RHBDD1: variants seen among roughly 807,000 people sequenced by gnomAD.
The protein encoded by RHBDD1 is rhomboid-related protein 4.
RHBDD1 carries 38 observed loss-of-function variants against 36.3 expected under a neutral mutation model. That is an observed-to-expected ratio of 1.05 (90% CI 0.81 to 1.37). The LOEUF (loss-of-function observed/expected upper bound fraction) is 1.37. Ranked by LOEUF, RHBDD1 falls within the 40% of genes most tolerant of loss-of-function variation. RHBDD1 has a pLI of 0.00. For missense variants in RHBDD1, 393 were observed against 377.6 expected (o/e 1.04, Z -0.34); for synonymous variants, 151 against 136.5 (o/e 1.11, Z -0.74).
chr2:226,980,480 G>A (rs1955482905), intron 8 of RHBDD1, among the ~76,000 whole-genome samples: 1 of 152,100 alleles, frequency 6.6e-6, no homozygotes, highest in African/African-American at 2.4e-5. Flanking sequence ...TACCTTCTCT[G>A]AACTTCCATT....
At chr2:226,995,275 A>G (rs899431705) in intron 8 of RHBDD1, among the ~76,000 whole-genome samples, 156 bp from the exon 9 acceptor site, 3 of 152,218 alleles carry the variant, frequency 2.0e-5, no homozygotes, top group African/African-American at 7.2e-5. Context: ...GAAATTTAGT[A>G]CTGACAGCTG....
chr2:226,810,354 A>G, the RHBDD1 span, among the ~76,000 whole-genome samples: 3 of 152,034 alleles, frequency 2.0e-5, no homozygotes, highest in African/African-American at 7.3e-5. Flanking sequence ...AGCCTGGCCA[A>G]CATGACAAAA....
At chr2:226,963,910 C>T (rs1371047544) in intron 8 of RHBDD1, among the ~76,000 whole-genome samples, 1 of 152,110 alleles carries the variant, frequency 6.6e-6, no homozygotes, top group Non-Finnish European at 1.5e-5. Context: ...CCCTACTTAA[C>T]TCCTTCCTTC....
At chr2:226,994,965 T>C (rs1476237784) in intron 8 of RHBDD1, among the ~76,000 whole-genome samples, 2 of 152,138 alleles carry the variant, frequency 1.3e-5, no homozygotes, top group African/African-American at 4.8e-5. Context: ...GCATGATTCT[T>C]ATTGGCCACA....
At chr2:226,869,967 G>C (rs1005583756) in intron 5 of RHBDD1, among the ~76,000 whole-genome samples, 6 of 152,168 alleles carry the variant, frequency 3.9e-5, no homozygotes, top group Non-Finnish European at 5.9e-5. Context: ...GAGGAAGGGG[G>C]ATATGTTGCC....
intron 5 of RHBDD1, among the ~76,000 whole-genome samples, chr2:226,885,694 T>G (rs1180860142): frequency 6.6e-6 from 1 of 152,200 alleles, no homozygotes; most frequent in Non-Finnish European, 1.5e-5. Flanking sequence ...TGGCTTTTTC[T>G]TCAAACATTT....
In RHBDD1 at chr2:226,998,133, T is replaced by A. The variant is rs1162644949; in HGVS notation, c.*2611T>A. ...GTGTGGTCAGTCAACTTAAGCGACC[T>A]TTTAATGCAGAATCTTTACTTGGTT... On this transcript the variant is annotated 3_prime_UTR_variant, in exon 9 of 9. Coordinates refer to ENST00000392062, the MANE Select transcript of RHBDD1 (RefSeq NM_001167608.3). The A allele has an allele frequency of 1.3e-5, 2 of 152,238 alleles. No homozygotes were observed. Among genetic ancestry groups the A allele is most frequent in the East Asian group, 3.8e-4 (2 of 5,202 alleles). The allele number at this position is 152,238 out of a possible 1,614,324, so 9.4% of individuals were successfully genotyped here.
intron 5 of RHBDD1, among the ~76,000 whole-genome samples, chr2:226,876,447 T>A (rs773297106): frequency 6.6e-6 from 1 of 152,202 alleles, no homozygotes; most frequent in African/African-American, 2.4e-5. Flanking sequence ...CCAAAAACCA[T>A]TTAAGCTCTT....
At chr2:226,931,759 A>T (rs368747314) in intron 8 of RHBDD1, among the ~76,000 whole-genome samples, 1 of 152,078 alleles carries the variant, frequency 6.6e-6, no homozygotes. Context: ...TGTATAATCA[A>T]TCCTGGAATC....
At chr2:226,815,353 T>C in the RHBDD1 span, among the ~76,000 whole-genome samples, 2 of 152,204 alleles carry the variant, frequency 1.3e-5, no homozygotes, top group African/African-American at 2.4e-5. Context: ...TCTTCTAACA[T>C]AATATTTTGT....
At chr2:226,884,998 A>G (rs1946091530) in intron 5 of RHBDD1, among the ~76,000 whole-genome samples, 1 of 152,190 alleles carries the variant, frequency 6.6e-6, no homozygotes, top group Non-Finnish European at 1.5e-5. Context: ...CAAGAAAAAC[A>G]CTGACAGGCA....
chr2:226,872,895 A>G (rs1944902466), intron 5 of RHBDD1, among the ~76,000 whole-genome samples: 1 of 152,260 alleles, frequency 6.6e-6, no homozygotes, highest in Non-Finnish European at 1.5e-5. Flanking sequence ...CAAAAAGGAA[A>G]GGAACATGGT....
intron 6 of RHBDD1, among the ~76,000 whole-genome samples, chr2:226,907,819 A>G (rs778210070): frequency 1.1e-4 from 16 of 152,172 alleles, no homozygotes; most frequent in Non-Finnish European, 2.1e-4. Flanking sequence ...CACTGTACGT[A>G]CTTAGAGGAG....
intron 8 of RHBDD1, among the ~76,000 whole-genome samples, chr2:226,978,377 G>A (rs1052357090): frequency 6.6e-6 from 1 of 152,268 alleles, no homozygotes; most frequent in East Asian, 1.9e-4. Flanking sequence ...GGATGGTAAA[G>A]GGAAACATGT....
At chr2:226,848,049 A>G (rs1456817799) in intron 3 of RHBDD1, among the ~76,000 whole-genome samples, 1 of 152,232 alleles carries the variant, frequency 6.6e-6, no homozygotes, top group African/African-American at 2.4e-5. Flanking sequence ...TTTATATAGA[A>G]TACATTCTAA....
At chr2:226,950,110 T>C (rs901349023) in intron 8 of RHBDD1, among the ~76,000 whole-genome samples, 2 of 152,176 alleles carry the variant, frequency 1.3e-5, no homozygotes, top group Admixed American at 1.3e-4. Context: ...TACAATACAT[T>C]GTTATCAACT....
At chr2:226,962,329 C>A (rs1044870093) in intron 8 of RHBDD1, among the ~76,000 whole-genome samples, 1 of 152,232 alleles carries the variant, frequency 6.6e-6, no homozygotes, top group African/African-American at 2.4e-5. Context: ...GTCTTTGCGT[C>A]TTTCCAAGTG....
chr2:226,889,446 G>GGGAAAA (rs1946504896), intron 5 of RHBDD1, among the ~76,000 whole-genome samples: 1 of 152,152 alleles, frequency 6.6e-6, no homozygotes. Context: ...AGGGTTGAAG[G>GGGAAAA]GGAAAAGGAT....
At chr2:226,842,329 A>G (rs771759244) in intron 3 of RHBDD1, among the ~76,000 whole-genome samples, 16 of 152,180 alleles carry the variant, frequency 1.1e-4, no homozygotes, top group Admixed American at 2.0e-4. Flanking sequence ...TTTTGTTGCA[A>G]TTGCTTTTGG....
Sources: gnomAD v4.1 joint callset for allele counts (sites outside exome capture counted in the v4.1 genomes callset) on GRCh38, gnomAD v4.1.1 for gene constraint, MANE v1.5 for transcripts, NCBI Gene and HGNC (gene_info 2026-07-23, HGNC 2026-07-21) for gene names.